The following ATP2C1 variants were observed in gnomAD, a reference collection of about 807,000 sequenced individuals.
The protein encoded by ATP2C1 is ATPase secretory pathway Ca2+ transporting 1.
ATP2C1 carries 31 observed loss-of-function variants against 120.5 expected under a neutral mutation model. That is an observed-to-expected ratio of 0.26 (90% confidence interval 0.19 to 0.35). ATP2C1 has a LOEUF of 0.35. Among genes scored for constraint, ATP2C1 ranks in the 10% least tolerant of loss-of-function variants. The probability of loss-of-function intolerance (pLI) is 1.00; values close to 1 mark genes in which losing one functional copy is unlikely to be tolerated. For synonymous variants in ATP2C1, 351 were observed against 358.7 expected, an observed-to-expected ratio of 0.98 and a Z score of 0.24; for missense variants, 731 against 1,107.5, an observed-to-expected ratio of 0.66 and a Z score of 4.83.
chr3:130,894,186 C>G lies in ATP2C1; in HGVS notation c.-332C>G. The G allele has an allele frequency of 1.0e-6, 1 of 981,854 alleles. No individual in the cohort carries two copies. The highest frequency in any genetic ancestry group is 1.2e-6 in the Non-Finnish European group (1 of 826,770). 60.8% of individuals were successfully genotyped at this position (981,854 alleles called of 1,614,324 possible). A position where few individuals can be genotyped will look rare whatever the true frequency, so the allele number is the denominator to read the frequency against. On this transcript the variant is annotated 5_prime_UTR_variant, in exon 1 of 28. Coordinates refer to ENST00000510168, the MANE Select transcript of ATP2C1 (RefSeq NM_001378687.1). The surrounding 1 kb of genome is among the most constrained non-coding windows in gnomAD (Gnocchi z 4.5). ...CCGCCCTCTCTCCCTCCCTTCCTCC[C>G]TCCCGCTCGCTTCTTCTCACGCCGG...
chr3:130,868,867 C>G (rs1170107562), intron 1 of ATP2C1: 1 of 153,838 alleles, frequency 6.5e-6, no homozygotes, highest in Non-Finnish European at 1.4e-5. Context: ...TCTGCCCCGC[C>G]GCCCCTACTG....
chr3:130,869,651 G>A (rs902559389), intron 1 of ATP2C1, among the ~76,000 whole-genome samples: 3 of 152,144 alleles, frequency 2.0e-5, no homozygotes, highest in Admixed American at 6.5e-5. Flanking sequence ...AAGTTTGAGC[G>A]GTCTGGATAC....
intron 1 of ATP2C1, among the ~76,000 whole-genome samples, chr3:130,862,826 T>C (rs1444488485): frequency 6.6e-6 from 1 of 152,240 alleles, no homozygotes; most frequent in Non-Finnish European, 1.5e-5. Flanking sequence ...TCAACTTTCT[T>C]TGAGCCAGAT....
chr3:130,981,219 A>C (rs1348935913), intron 20 of ATP2C1, among the ~76,000 whole-genome samples: 1 of 152,140 alleles, frequency 6.6e-6, no homozygotes, highest in Non-Finnish European at 1.5e-5. Context: ...TACTTCCAGG[A>C]CTTGGCAGCC....
chr3:130,993,430 A>G (rs930144825), intron 21 of ATP2C1, among the ~76,000 whole-genome samples: 2 of 152,250 alleles, frequency 1.3e-5, no homozygotes, highest in African/African-American at 2.4e-5. Flanking sequence ...AGTATCCAGT[A>G]GTTAATGGTC....
At chr3:130,881,924 C>G (rs576892734) in intron 1 of ATP2C1, among the ~76,000 whole-genome samples, 2 of 152,264 alleles carry the variant, frequency 1.3e-5, no homozygotes, top group East Asian at 3.9e-4. Context: ...ACTTTATTGA[C>G]TTTATTTACC....
chr3:130,945,268 A>G (rs1264865664), intron 8 of ATP2C1, among the ~76,000 whole-genome samples: 1 of 152,122 alleles, frequency 6.6e-6, no homozygotes, highest in Non-Finnish European at 1.5e-5. Flanking sequence ...CTTGATGATA[A>G]CCAATGGATT....
chr3:131,012,264 T>TC (rs1305818854), intron 26 of ATP2C1, among the ~76,000 whole-genome samples: 4 of 147,654 alleles, frequency 2.7e-5, no homozygotes, highest in Non-Finnish European at 3.0e-5. Context: ...TTTTTTCTTT[T>TC]TTTTTTTTTT....
Position 130,999,640 on chromosome 3 carries a change from T to G in ATP2C1, c.2610T>G (p.Thr870=). The change falls in exon 27 of 28, where the codon ACT becomes ACG. Residue 870 remains threonine, a synonymous_variant. Coordinates refer to ENST00000510168, the MANE Select transcript of ATP2C1 (RefSeq NM_001378687.1). The part of the protein sequence containing the change: ...YFPPLQKVFQ[T]ESLSILDLLF... Reference sequence around the variant, plus strand: ...CTCCGCTTCAGAAGGTTTTTCAGACTGAGAGCCTAAGCATACTGGGTAAAG... The same window carrying G: ...CTCCGCTTCAGAAGGTTTTTCAGACGGAGAGCCTAAGCATACTGGGTAAAG... The G allele has an allele frequency of 6.2e-7, 1 of 1,613,078 alleles. No individual in the cohort carries two copies. Among genetic ancestry groups the G allele is most frequent in the African/African-American group, 1.3e-5 (1 of 75,038 alleles).
chr3:131,014,977 G>C (rs1476675658), intron 26 of ATP2C1, among the ~76,000 whole-genome samples: 1 of 152,168 alleles, frequency 6.6e-6, no homozygotes, highest in Non-Finnish European at 1.5e-5. Flanking sequence ...ATTATTAAGA[G>C]AACTGTTTTG....
intron 2 of ATP2C1, among the ~76,000 whole-genome samples, chr3:130,929,359 A>G (rs2059357981): frequency 6.6e-6 from 1 of 152,204 alleles, no homozygotes; most frequent in African/African-American, 2.4e-5. Context: ...AAAAGCCTTT[A>G]TGTGTGCAGG....
rs1448986686 is a variant in ATP2C1 at position 130,941,222 on chromosome 3, C to CTGTG, written c.423-369_423-368insTGTG. On this transcript the variant is annotated intron_variant, in intron 7 of 27. Transcript: ENST00000510168. ...AGCCACCGCGCCCGGCTGTATTTAA[C>CTGTG]AGTGTGTGTGTGTGTGTGTGTGTGT... 4.5e-3 allele frequency among the ~76,000 whole-genome samples: 474 copies of CTGTG among 105,188 alleles called. 9 individuals carry two copies. The highest frequency in any genetic ancestry group is 0.014 in the African/African-American group (403 of 29,214). 69.0% of individuals were successfully genotyped at this position (105,188 alleles called of 152,430 possible). A position where few individuals can be genotyped will look rare whatever the true frequency, so the allele number is the denominator to read the frequency against.
upstream of ATP2C1, among the ~76,000 whole-genome samples, chr3:130,891,326 G>C (rs2069160443): frequency 6.6e-6 from 1 of 152,096 alleles, no homozygotes; most frequent in African/African-American, 2.4e-5. Flanking sequence ...TATCAAATTT[G>C]ATATTAAAAA....
At chr3:130,933,501 G>T (rs1178403691) in intron 4 of ATP2C1, among the ~76,000 whole-genome samples, 4 of 152,296 alleles carry the variant, frequency 2.6e-5, no homozygotes, top group African/African-American at 4.8e-5. Context: ...AGAATCTGGA[G>T]CTTAAAAAGA....
intron 10 of ATP2C1, 171 bp from the exon 11 acceptor site, chr3:130,955,933 T>A: frequency 1.7e-6 from 1 of 582,190 alleles, no homozygotes; most frequent in Non-Finnish European, 3.1e-6. Context: ...CCTTGGGCAT[T>A]GTGTAAAATC....
intron 20 of ATP2C1, among the ~76,000 whole-genome samples, chr3:130,981,886 T>A (rs1576981932): frequency 6.6e-6 from 1 of 152,216 alleles, no homozygotes; most frequent in African/African-American, 2.4e-5. Flanking sequence ...GCCTATTTTT[T>A]AAAAATTATG....
intron 1 of ATP2C1, chr3:130,868,285 G>A (rs1317311209): frequency 1.4e-5 from 2 of 139,674 alleles, no homozygotes; most frequent in African/African-American, 2.6e-5. Context: ...TGCCCTGTCC[G>A]GGAGGTGAGG....
intron 5 of ATP2C1, among the ~76,000 whole-genome samples, chr3:130,936,174 A>G (rs1478205398): frequency 6.6e-6 from 1 of 152,132 alleles, no homozygotes; most frequent in Non-Finnish European, 1.5e-5. Flanking sequence ...CTTTATTCCA[A>G]TTAGATCAGT....
chr3:130,968,057 T>G (rs946085089), intron 16 of ATP2C1, among the ~76,000 whole-genome samples: 6 of 152,146 alleles, frequency 3.9e-5, no homozygotes, highest in Non-Finnish European at 8.8e-5. Flanking sequence ...TTTTGATACT[T>G]GTATAAAGCA....
Sources: allele counts gnomAD v4.1 joint callset (sites outside exome capture counted in the v4.1 genomes callset), GRCh38; gene constraint gnomAD v4.1.1; non-coding constraint Gnocchi (gnomAD v3.1); transcripts MANE v1.5; gene names NCBI Gene and HGNC (gene_info 2026-07-23, HGNC 2026-07-21).